The following DLGAP2 variants were observed in gnomAD, a reference collection of about 807,000 sequenced individuals.
The protein encoded by DLGAP2 is disks large-associated protein 2.
Under a neutral mutation model 100.3 loss-of-function variants are expected in DLGAP2, and 26 were observed. The observed-to-expected ratio is 0.26, with a 90% confidence interval of 0.19 to 0.36. DLGAP2 has a LOEUF of 0.36. Among genes scored for constraint, DLGAP2 ranks in the 10% least tolerant of loss-of-function variants. The pLI is 1.00. For missense variants in DLGAP2, 1,858 were observed against 1,453.2 expected, an observed-to-expected ratio of 1.28 and a Z score of -4.53; for synonymous variants, 886 against 630.1, an observed-to-expected ratio of 1.41 and a Z score of -6.08.
At chr8:1,058,914 C>T (rs1802965205) in intron 2 of DLGAP2, among the ~76,000 whole-genome samples, 1 of 152,204 alleles carries the variant, frequency 6.6e-6, no homozygotes, top group South Asian at 2.1e-4. Context: ...CAAAAGACCT[C>T]ATCAAAACTG....
intron 2 of DLGAP2, among the ~76,000 whole-genome samples, chr8:934,491 C>G (rs1238284836): frequency 6.6e-6 from 1 of 152,222 alleles, no homozygotes; most frequent in Non-Finnish European, 1.5e-5. Context: ...CAGGCCACCT[C>G]TTCGATTCTT....
At chr8:1,480,865 TAAAAA>T (rs370921329) in intron 3 of DLGAP2, among the ~76,000 whole-genome samples, 82 of 135,168 alleles carry the variant, frequency 6.1e-4, no homozygotes, top group African/African-American at 2.1e-3. Flanking sequence ...AAACTCCATA[TAAAAA>T]AAAAAGAAAA....
chr8:1,423,081 C>A (rs975726726), intron 3 of DLGAP2, among the ~76,000 whole-genome samples: 1 of 152,164 alleles, frequency 6.6e-6, no homozygotes, highest in Admixed American at 6.5e-5. Flanking sequence ...ACTGCCACAA[C>A]AGTGTAGACA....
At chr8:1,425,527 T>G (rs985832954) in intron 3 of DLGAP2, among the ~76,000 whole-genome samples, 2 of 152,114 alleles carry the variant, frequency 1.3e-5, no homozygotes, top group Non-Finnish European at 2.9e-5. Flanking sequence ...GACAGCTGAG[T>G]GCATCCCTGC....
At chr8:1,125,646 CA>C (rs1291661558) in intron 2 of DLGAP2, among the ~76,000 whole-genome samples, 1 of 152,180 alleles carries the variant, frequency 6.6e-6, no homozygotes, top group African/African-American at 2.4e-5. Context: ...AGATAAATAA[CA>C]TAAAAATACC....
intron 1 of DLGAP2, among the ~76,000 whole-genome samples, chr8:854,150 C>G (rs1797232610): frequency 6.6e-6 from 1 of 152,128 alleles, no homozygotes; most frequent in Non-Finnish European, 1.5e-5. Context: ...GTCTATGATA[C>G]CTTGTTCTAG....
intron 1 of DLGAP2, among the ~76,000 whole-genome samples, chr8:837,600 G>A (rs895099221): frequency 6.6e-6 from 1 of 151,802 alleles, no homozygotes; most frequent in African/African-American, 2.4e-5. Flanking sequence ...AGCGGTCTCT[G>A]GTCCATCCTG....
Position 1,549,104 on chromosome 8 carries a change from G to T in DLGAP2, c.651G>T (p.Ala217=). 6.3e-7 allele frequency: 1 copy of T among 1,584,088 alleles called. No individual in the cohort carries two copies. The change falls in exon 5 of 15, where the codon GCG becomes GCT. Residue 217 remains alanine (A), a synonymous_variant. Coordinates refer to ENST00000637795, the MANE Select transcript of DLGAP2 (RefSeq NM_001346810.2). ...FHTLQYQRTS[A]AAEQRSESPG... is the part of the protein sequence containing the mutation. ...CGCTGCAGTACCAGAGGACGTCCGC[G>T]GCCGCCGAGCAGCGCAGCGAGAGCC...
chr8:1,205,199 A>G (rs1797963790), intron 2 of DLGAP2, among the ~76,000 whole-genome samples: 1 of 152,112 alleles, frequency 6.6e-6, no homozygotes, highest in South Asian at 2.1e-4. Flanking sequence ...TTTTGTTTTT[A>G]TTTTTTGTAA....
At chr8:1,679,667 C>T (rs964992539) in intron 12 of DLGAP2, among the ~76,000 whole-genome samples, 2 of 152,226 alleles carry the variant, frequency 1.3e-5, no homozygotes, top group African/African-American at 4.8e-5. Flanking sequence ...TTTCTCCCAT[C>T]TGCCTAGAGA....
At chr8:855,383 C>T (rs10503152) in intron 1 of DLGAP2, among the ~76,000 whole-genome samples, 1 of 151,996 alleles carries the variant, frequency 6.6e-6, no homozygotes, top group Non-Finnish European at 1.5e-5. Flanking sequence ...GGGACCAAAG[C>T]TGAGTGTGAG....
chr8:1,199,026 G>A (rs554232662), intron 2 of DLGAP2, among the ~76,000 whole-genome samples: 12 of 152,258 alleles, frequency 7.9e-5, no homozygotes, highest in East Asian at 1.9e-4. Context: ...AGCAGAGGTC[G>A]CGTGGTTGAA....
intron 2 of DLGAP2, among the ~76,000 whole-genome samples, chr8:1,192,167 T>C (rs1026306852): frequency 6.6e-6 from 1 of 152,130 alleles, no homozygotes; most frequent in Non-Finnish European, 1.5e-5. Flanking sequence ...GGCTTGGAGC[T>C]GTGGGTGGGG....
At chr8:1,339,411 T>C (rs572058280) in intron 3 of DLGAP2, among the ~76,000 whole-genome samples, 1 of 152,200 alleles carries the variant, frequency 6.6e-6, no homozygotes, top group East Asian at 1.9e-4. Flanking sequence ...GTGACCTCAG[T>C]GAGGCATCAG....
chr8:1,260,673 G>GGGTTT, intron 3 of DLGAP2, among the ~76,000 whole-genome samples: 1 of 152,100 alleles, frequency 6.6e-6, no homozygotes, highest in South Asian at 2.1e-4. Context: ...TTGGAGGCGA[G>GGGTTT]GGTTTGGACT....
At chr8:1,370,809 C>G (rs1324534013) in intron 3 of DLGAP2, among the ~76,000 whole-genome samples, 2 of 152,224 alleles carry the variant, frequency 1.3e-5, no homozygotes, top group Non-Finnish European at 2.9e-5. Flanking sequence ...TTCCACTCCT[C>G]TGTTTCTTCA....
chr8:1,129,904 C>T (rs186742242), intron 2 of DLGAP2, among the ~76,000 whole-genome samples: 3 of 152,280 alleles, frequency 2.0e-5, no homozygotes, highest in Non-Finnish European at 2.9e-5. Flanking sequence ...TGGCTGGGAA[C>T]GCTGACTGTG....
intron 3 of DLGAP2, among the ~76,000 whole-genome samples, chr8:1,431,615 A>G (rs1258238817): frequency 6.6e-6 from 1 of 152,136 alleles, no homozygotes; most frequent in African/African-American, 2.4e-5. Context: ...GAGTCAGCTG[A>G]CCTATCACAG....
chr8:1,574,623 C>T (rs1029464357), intron 6 of DLGAP2, among the ~76,000 whole-genome samples: 60 of 152,184 alleles, frequency 3.9e-4, no homozygotes, highest in African/African-American at 1.1e-3. Flanking sequence ...GTTGACATTT[C>T]CATTTTGTTA....
Sources: allele counts gnomAD v4.1 joint callset (sites outside exome capture counted in the v4.1 genomes callset), GRCh38; gene constraint gnomAD v4.1.1; transcripts MANE v1.5; gene names NCBI Gene and HGNC (gene_info 2026-07-23, HGNC 2026-07-21).